Variants in KCNH7 observed in about 807,000 individuals in gnomAD.
The protein encoded by KCNH7 is potassium voltage-gated channel subfamily H member 7, also known as voltage-gated inwardly rectifying potassium channel KCNH7.
Under a neutral mutation model 120.8 loss-of-function variants are expected in KCNH7, and 49 were observed. The observed-to-expected ratio is 0.41, with a 90% CI of 0.32 to 0.51. The LOEUF is 0.51. Ranked by LOEUF, KCNH7 falls within the 20% of genes least tolerant of loss-of-function variation. The pLI, the probability that KCNH7 is intolerant of heterozygous loss-of-function variation, is 0.38. For missense variants in KCNH7, 1,097 were observed against 1,446.6 expected, an observed-to-expected ratio of 0.76 and a Z score of 3.92; for synonymous variants, 547 against 516.1, an observed-to-expected ratio of 1.06 and a Z score of -0.81.
intron 15 of KCNH7, among the ~76,000 whole-genome samples, chr2:162,372,956 G>T (rs1231837945): frequency 2.6e-5 from 4 of 152,024 alleles, no homozygotes; most frequent in African/African-American, 4.8e-5. Context: ...GTGATGGGTG[G>T]GGTACAGACA....
intron 2 of KCNH7, among the ~76,000 whole-genome samples, chr2:162,722,308 C>T (rs10178056): frequency 0.13 from 20,242 of 151,706 alleles, 1,531 homozygotes; most frequent in East Asian, 0.34. Context: ...ATGTGAAATG[C>T]ATATTAAAGT....
intron 2 of KCNH7, among the ~76,000 whole-genome samples, chr2:162,765,676 A>G (rs1444812996): frequency 6.6e-6 from 1 of 152,220 alleles, no homozygotes; most frequent in Non-Finnish European, 1.5e-5. Flanking sequence ...GGCTCAATAC[A>G]TAGTGAAGAA....
At chr2:162,479,816 C>T (rs576752271) in intron 6 of KCNH7, among the ~76,000 whole-genome samples, 2 of 152,186 alleles carry the variant, frequency 1.3e-5, no homozygotes, top group East Asian at 3.9e-4. Flanking sequence ...TGGAGAATCC[C>T]TCCTAATGCC....
At chr2:162,721,592 T>C (rs764856470) in intron 2 of KCNH7, among the ~76,000 whole-genome samples, 1 of 152,152 alleles carries the variant, frequency 6.6e-6, no homozygotes, top group Non-Finnish European at 1.5e-5. Flanking sequence ...TGCATGGTTA[T>C]GCTTGGATTA....
intron 2 of KCNH7, among the ~76,000 whole-genome samples, chr2:162,571,145 C>G (rs1429341962): frequency 6.6e-6 from 1 of 151,774 alleles, no homozygotes; most frequent in African/African-American, 2.4e-5. Context: ...ATCTAGAAAA[C>G]CCCATTGTCT....
chr2:162,532,610 C>T (rs971299673), intron 3 of KCNH7, among the ~76,000 whole-genome samples: 6 of 151,906 alleles, frequency 3.9e-5, no homozygotes, highest in Non-Finnish European at 8.8e-5. Context: ...ATGTTAAACA[C>T]GAGAGAACTC....
chr2:162,803,692 C>A (rs148801223), intron 2 of KCNH7, among the ~76,000 whole-genome samples: 1 of 151,880 alleles, frequency 6.6e-6, no homozygotes, highest in Admixed American at 6.6e-5. Context: ...ATCTGAGTGA[C>A]TGTAGCAAAC....
At chr2:162,490,462 CA>C (rs1407802913) in intron 6 of KCNH7, among the ~76,000 whole-genome samples, 1 of 152,232 alleles carries the variant, frequency 6.6e-6, no homozygotes, top group Non-Finnish European at 1.5e-5. Context: ...GGTTGTAAGA[CA>C]AGAAGCCAGA....
chr2:162,580,795 A>T (rs1693840918), intron 2 of KCNH7, among the ~76,000 whole-genome samples: 1 of 152,018 alleles, frequency 6.6e-6, no homozygotes, highest in Non-Finnish European at 1.5e-5. Flanking sequence ...GGTTTGGGGT[A>T]GGAAATAGAG....
At chr2:162,422,736 G>C (rs1389937251) in intron 9 of KCNH7, among the ~76,000 whole-genome samples, 1 of 151,898 alleles carries the variant, frequency 6.6e-6, no homozygotes, top group African/African-American at 2.4e-5. Context: ...AAATATGAAG[G>C]GATCCATATT....
chr2:162,518,214 C>A, intron 3 of KCNH7, 56 bp from the exon 4 acceptor site: 1 of 1,251,622 alleles, frequency 8.0e-7, no homozygotes, highest in East Asian at 2.4e-5. Context: ...TATCCTGTAA[C>A]AAAAACAAAC....
intron 2 of KCNH7, among the ~76,000 whole-genome samples, chr2:162,792,328 A>T (rs1683977825): frequency 6.6e-6 from 1 of 151,856 alleles, no homozygotes; most frequent in Non-Finnish European, 1.5e-5. Flanking sequence ...CCTCCTCCTC[A>T]ATTTTTTTGG....
rs757296635 is a variant in KCNH7, at chr2:162,423,513, A to C, written c.1977T>G (p.Phe659Leu). 1 of 1,613,868 alleles carries C rather than the reference A, an allele frequency of 6.2e-7. No homozygotes were observed. Among genetic ancestry groups the C allele is most frequent in the Non-Finnish European group, 8.5e-7 (1 of 1,179,788 alleles). The change falls in exon 9 of 16, where the codon TTT becomes TTG. Residue 659 changes from phenylalanine to leucine, a missense_variant. Phe to Leu is a conservative substitution (Grantham distance 22). This residue lies in a region of KCNH7 where 24 missense variants were observed against 105.8 expected (regional missense o/e 0.23). Coordinates refer to ENST00000332142, the MANE Select transcript of KCNH7 (RefSeq NM_033272.4). ...TTTGGATAATTGCAGATACATTCCC[A>C]AAAATGCTTGCATACATTAGTGCTG... ...LIGSLMYASI[F>L]GNVSAIIQRL...
In KCNH7 at chr2:162,537,028, G is replaced by C; in HGVS notation, c.360C>G (p.Gly120=). 1.9e-6 allele frequency: 3 copies of C among 1,612,304 alleles called. No individual in the cohort carries two copies. Among genetic ancestry groups the C allele is most frequent in the Non-Finnish European group, 2.5e-6 (3 of 1,178,808 alleles). Residue 120 remains glycine (G), a synonymous_variant, in exon 3 of 16, where the codon GGC becomes GGG. Coordinates refer to ENST00000332142, the MANE Select transcript of KCNH7 (RefSeq NM_033272.4). ...AATTAATGATGAACATCATAGCCAC[G>C]CCCTCTTGGTTTTTCACTGGAATTA... The part of the protein sequence containing the change: ...THIIPVKNQE[G]VAMMFIINFE...
intron 14 of KCNH7, among the ~76,000 whole-genome samples, chr2:162,377,431 A>G (rs1401849191): frequency 1.3e-5 from 2 of 152,230 alleles, no homozygotes; most frequent in African/African-American, 4.8e-5. Context: ...GCCATAGTAA[A>G]GTATGCACTC....
At position 162,504,581 on chromosome 2, in the gene KCNH7, G is replaced by T. The variant is rs762348864; in HGVS notation, c.990C>A (p.Asn330Lys). The T allele has an allele frequency of 6.2e-7, 1 of 1,612,852 alleles. No individual in the cohort carries two copies. The highest frequency in any genetic ancestry group is 1.7e-5 in the Admixed American group (1 of 59,914). Residue 330 changes from asparagine (N) to lysine (K), a missense_variant, in exon 6 of 16, where the codon AAC (asparagine) becomes AAA (lysine). Around this residue, in one of 8 missense-constraint regions of KCNH7, gnomAD observed 362 missense variants for 372.2 expected, o/e 0.97. Transcript: ENST00000332142. ...AATTCAGAGTGAGCTGTGGAATCTT[G>T]TTAATGGTGCTGTATTTGTTGAGGT... is the stretch of plus-strand genomic sequence containing the variant. ...DSNLNKYSTI[N>K]KIPQLTLNFS...
chr2:162,693,310 T>C (rs1686180037), intron 2 of KCNH7, among the ~76,000 whole-genome samples: 2 of 152,138 alleles, frequency 1.3e-5, no homozygotes. Flanking sequence ...CTGTAATACC[T>C]AGAAACAGCC....
At chr2:162,710,506 C>G (rs1437753024) in intron 2 of KCNH7, among the ~76,000 whole-genome samples, 1 of 152,162 alleles carries the variant, frequency 6.6e-6, no homozygotes, top group Admixed American at 6.6e-5. Flanking sequence ...TTTACACACA[C>G]ACTCAGAAAG....
At chr2:162,811,521 A>G (rs1684732922) in intron 2 of KCNH7, among the ~76,000 whole-genome samples, 1 of 152,150 alleles carries the variant, frequency 6.6e-6, no homozygotes, top group Admixed American at 6.5e-5. Context: ...CACATGACTC[A>G]AAAATATTAA....
Sources: allele counts gnomAD v4.1 joint callset (sites outside exome capture counted in the v4.1 genomes callset), GRCh38; gene constraint gnomAD v4.1.1; regional missense constraint gnomAD v4.1.1; transcripts MANE v1.5; gene names NCBI Gene and HGNC (gene_info 2026-07-23, HGNC 2026-07-21).